The following EYS variants were observed in gnomAD, a reference collection of about 807,000 sequenced individuals.
EYS encodes the protein protein eyes shut homolog.
EYS carries 250 observed loss-of-function variants against 282.1 expected under a neutral mutation model. The observed-to-expected ratio is 0.89, with a 90% CI of 0.80 to 0.98. The LOEUF (loss-of-function observed/expected upper bound fraction) is 0.98, where lower values mean the gene tolerates loss of function less well. EYS is among the 50% of genes least tolerant of loss of function. EYS has a pLI of 0.00. For synonymous variants in EYS, 1,355 were observed against 1,282.9 expected, an observed-to-expected ratio of 1.06 and a Z score of -1.20; for missense variants, 4,016 against 3,709.0, an observed-to-expected ratio of 1.08 and a Z score of -2.15.
intron 11 of EYS, among the ~76,000 whole-genome samples, chr6:65,327,948 A>T (rs1209404717): frequency 6.6e-6 from 1 of 151,536 alleles, no homozygotes; most frequent in East Asian, 1.9e-4. Context: ...TATTGACTTA[A>T]CATAAAAAAT....
intron 35 of EYS, among the ~76,000 whole-genome samples, chr6:63,867,104 G>C (rs551024062): frequency 2.6e-5 from 4 of 152,190 alleles, no homozygotes; most frequent in Admixed American, 1.3e-4. Flanking sequence ...GTAGCAAAAG[G>C]CAGTGTTGAC....
chr6:64,864,468 C>A, intron 19 of EYS, among the ~76,000 whole-genome samples: 1 of 142,804 alleles, frequency 7.0e-6, no homozygotes, highest in African/African-American at 2.6e-5. Context: ...TCACTGCAAC[C>A]TCCAACTCCC....
intron 22 of EYS, among the ~76,000 whole-genome samples, chr6:64,812,152 C>T (rs1318305547): frequency 6.6e-6 from 1 of 151,626 alleles, no homozygotes; most frequent in Non-Finnish European, 1.5e-5. Flanking sequence ...GTATAAAAAA[C>T]ATGTTTACTA....
chr6:65,399,127 T>C (rs1489361249), intron 7 of EYS, among the ~76,000 whole-genome samples: 1 of 150,816 alleles, frequency 6.6e-6, no homozygotes, highest in East Asian at 1.9e-4. Context: ...CTTGGGAACA[T>C]ACACCTACAC....
intron 31 of EYS, among the ~76,000 whole-genome samples, chr6:64,159,713 T>C (rs549230621): frequency 4.0e-4 from 61 of 151,242 alleles, no homozygotes; most frequent in African/African-American, 1.5e-3. Flanking sequence ...CTATCAACTA[T>C]CCTACATATT....
intron 26 of EYS, among the ~76,000 whole-genome samples, chr6:64,441,697 T>C (rs994342119): frequency 2.6e-5 from 4 of 152,114 alleles, no homozygotes; most frequent in Non-Finnish European, 4.4e-5. Flanking sequence ...GTTCTTGCAA[T>C]AGTGAATGGG....
chr6:64,249,611 G>T (rs1403375570), intron 30 of EYS, among the ~76,000 whole-genome samples: 1 of 152,090 alleles, frequency 6.6e-6, no homozygotes, highest in African/African-American at 2.4e-5. Context: ...GAATCAACAA[G>T]AGAGAAATTT....
chr6:63,846,571 G>T (rs1177075878), intron 36 of EYS, among the ~76,000 whole-genome samples: 4 of 152,238 alleles, frequency 2.6e-5, no homozygotes, highest in Non-Finnish European at 4.4e-5. Flanking sequence ...GCAATATTCA[G>T]ATTTATCCTC....
In EYS at chr6:64,394,087, C is replaced by T. The variant is rs1266796539; in HGVS notation, c.5928-5247G>A. Among the ~76,000 whole-genome samples the T allele has an allele frequency of 5.9e-5, 9 of 152,002 alleles. No homozygotes were observed. In the East Asian group the frequency reaches 9.6e-4, roughly 16 times the overall value. On this transcript the variant is annotated intron_variant, in intron 28 of 42. Transcript: ENST00000503581. ...TCAAACTTACAAGGGATGTGAAGGA[C>T]CTCTTCAAGGAGAACTACAAACCAC...
chr6:64,188,752 T>C (rs906695393), intron 31 of EYS, among the ~76,000 whole-genome samples: 4 of 152,186 alleles, frequency 2.6e-5, no homozygotes, highest in East Asian at 1.9e-4. Flanking sequence ...ACTTTAGTTA[T>C]GCATGTAATA....
At chr6:64,471,298 A>G (rs1269757679) in intron 26 of EYS, among the ~76,000 whole-genome samples, 1 of 152,194 alleles carries the variant, frequency 6.6e-6, no homozygotes, top group Non-Finnish European at 1.5e-5. Context: ...AGAGGAAGTC[A>G]AATTGTCTCT....
intron 12 of EYS, among the ~76,000 whole-genome samples, chr6:65,242,470 G>A (rs1171185628): frequency 6.6e-6 from 1 of 151,758 alleles, no homozygotes; most frequent in Non-Finnish European, 1.5e-5. Context: ...CCTTTGTATC[G>A]CCATCTAATC....
chr6:65,141,780 A>T (rs1256096755), intron 12 of EYS, among the ~76,000 whole-genome samples: 1 of 151,980 alleles, frequency 6.6e-6, no homozygotes, highest in East Asian at 1.9e-4. Flanking sequence ...GCAAGAGTGA[A>T]GTGGCACAAA....
Position 64,066,484 on chromosome 6 carries a change from C to T in EYS, c.6579G>A (p.Gly2193=), listed in dbSNP as rs796407743. The part of the protein sequence containing the change: ...SLNGTILYSN[G]NNCGKQFLHL... ...GAAGAAACTGCTTTCCACAATTATT[C>T]CCATTACCTTTAAGAAAAAAAGAAT... Residue 2193 remains glycine (G), a synonymous_variant, in exon 33 of 43, where the codon GGG becomes GGA. Coordinates refer to ENST00000503581, the MANE Select transcript of EYS (RefSeq NM_001142800.2). The T allele has an allele frequency of 2.0e-6, 3 of 1,527,956 alleles. No individual in the cohort carries two copies. The highest frequency in any genetic ancestry group is 2.8e-5 in the African/African-American group (2 of 72,402). 94.6% of individuals were successfully genotyped at this position (1,527,956 alleles called of 1,614,324 possible). A position where few individuals can be genotyped will look rare whatever the true frequency, so the allele number is the denominator to read the frequency against.
At chr6:64,198,093 C>T (rs533379137) in intron 31 of EYS, among the ~76,000 whole-genome samples, 5 of 151,820 alleles carry the variant, frequency 3.3e-5, no homozygotes, top group East Asian at 3.9e-4. Flanking sequence ...CCCGGGTTCA[C>T]GCCATTCTCC....
intron 18 of EYS, among the ~76,000 whole-genome samples, chr6:64,895,366 T>C (rs1404276599): frequency 6.6e-6 from 1 of 152,230 alleles, no homozygotes; most frequent in Non-Finnish European, 1.5e-5. Context: ...TTTTTAAAGA[T>C]ATTTTGAAAG....
At chr6:64,400,096 G>A (rs546792487) in intron 28 of EYS, among the ~76,000 whole-genome samples, 2 of 151,848 alleles carry the variant, frequency 1.3e-5, no homozygotes, top group South Asian at 2.1e-4. Flanking sequence ...TATATCATGA[G>A]GGAAATTATT....
intron 2 of EYS, among the ~76,000 whole-genome samples, chr6:65,592,351 T>C (rs1233076291): frequency 6.6e-6 from 1 of 151,994 alleles, no homozygotes; most frequent in Admixed American, 6.6e-5. Context: ...TATTTACAAA[T>C]TATGCATTGA....
intron 31 of EYS, among the ~76,000 whole-genome samples, chr6:64,157,095 C>T (rs1288529981): frequency 6.8e-6 from 1 of 146,572 alleles, no homozygotes; most frequent in East Asian, 2.1e-4. Context: ...CTTCTGTGTC[C>T]ATGTGTTCTC....
Sources: allele counts gnomAD v4.1 joint callset (sites outside exome capture counted in the v4.1 genomes callset), GRCh38; gene constraint gnomAD v4.1.1; transcripts MANE v1.5; gene names NCBI Gene and HGNC (gene_info 2026-07-23, HGNC 2026-07-21).